SPOCK3: variants seen among roughly 807,000 people sequenced by gnomAD.
SPOCK3 encodes the protein SPARC (osteonectin), cwcv and kazal like domains proteoglycan 3, also known as testican-3.
SPOCK3 carries 30 observed loss-of-function variants against 56.6 expected under a neutral mutation model. The observed-to-expected ratio is 0.53, with a 90% CI of 0.40 to 0.72. The LOEUF (loss-of-function observed/expected upper bound fraction) is 0.72. Ranked by LOEUF, SPOCK3 falls within the 30% of genes least tolerant of loss-of-function variation. SPOCK3 has a pLI of 0.00. For missense variants in SPOCK3, 527 were observed against 530.0 expected, an observed-to-expected ratio of 0.99 and a Z score of 0.06; for synonymous variants, 196 against 183.3, an observed-to-expected ratio of 1.07 and a Z score of -0.56.
At chr4:167,057,767 G>C (rs1755067982) in intron 3 of SPOCK3, among the ~76,000 whole-genome samples, 2 of 152,038 alleles carry the variant, frequency 1.3e-5, no homozygotes, top group African/African-American at 2.4e-5. Context: ...TCCAATACAG[G>C]AGCACCCAGA....
chr4:167,141,231 C>G (rs1229970320), intron 2 of SPOCK3, among the ~76,000 whole-genome samples: 1 of 151,966 alleles, frequency 6.6e-6, no homozygotes, highest in Non-Finnish European at 1.5e-5. Flanking sequence ...TCTGGAAGCT[C>G]ATATGAGATG....
chr4:167,069,506 C>T (rs1580193911), intron 2 of SPOCK3, among the ~76,000 whole-genome samples: 1 of 152,026 alleles, frequency 6.6e-6, no homozygotes, highest in South Asian at 2.1e-4. Context: ...TAAGCCACTA[C>T]ATTTTGGGCT....
At chr4:166,898,046 A>AT (rs1286619321) in intron 5 of SPOCK3, among the ~76,000 whole-genome samples, 33 of 151,834 alleles carry the variant, frequency 2.2e-4, no homozygotes, top group Non-Finnish European at 7.4e-5. Context: ...AAAAATAAAA[A>AT]AAAAAGTGGC....
intron 7 of SPOCK3, among the ~76,000 whole-genome samples, chr4:166,783,415 C>T (rs1740395541): frequency 1.3e-5 from 2 of 152,088 alleles, no homozygotes; most frequent in South Asian, 2.1e-4. Flanking sequence ...ACATTTTCTA[C>T]CTCATGAAAA....
intron 7 of SPOCK3, among the ~76,000 whole-genome samples, chr4:166,788,203 C>CAAAA (rs748069764): frequency 1.3e-4 from 19 of 151,700 alleles, no homozygotes; most frequent in Non-Finnish European, 2.8e-4. Context: ...AACAAACAAA[C>CAAAA]AAAAAAACCC....
At chr4:166,944,024 G>A (rs1741422025) in intron 4 of SPOCK3, among the ~76,000 whole-genome samples, 1 of 152,098 alleles carries the variant, frequency 6.6e-6, no homozygotes, top group South Asian at 2.1e-4. Flanking sequence ...GCCCATGCCT[G>A]TAGTCCCAGC....
intron 4 of SPOCK3, among the ~76,000 whole-genome samples, chr4:166,935,066 G>A (rs1332951597): frequency 2.0e-5 from 3 of 152,132 alleles, no homozygotes; most frequent in African/African-American, 7.2e-5. Flanking sequence ...GATAAGCAAG[G>A]AGTATAAATA....
intron 6 of SPOCK3, among the ~76,000 whole-genome samples, chr4:166,835,582 T>A (rs1163839763): frequency 6.6e-6 from 1 of 152,190 alleles, no homozygotes; most frequent in Non-Finnish European, 1.5e-5. Flanking sequence ...TTGTTAGTTA[T>A]CTTGTATGTT....
At chr4:167,105,485 T>C (rs1378772670) in intron 2 of SPOCK3, among the ~76,000 whole-genome samples, 1 of 68,550 alleles carries the variant, frequency 1.5e-5, no homozygotes, top group African/African-American at 5.9e-5. Context: ...AAAAAACGAA[T>C]CATACCACCA....
In SPOCK3 at chr4:166,742,003, G is replaced by A. The variant is rs1471551356; in HGVS notation, c.988C>T (p.Leu330Phe). 1 of 1,610,850 alleles carries A rather than the reference G, an allele frequency of 6.2e-7. No individual in the cohort carries two copies. ...AGAATGATCTATTACTCACCTAGGA[G>A]CTTCTTTACCCCTTGCCGCTTCTGA... ...NIQKRQGVKK[L>F]LGQYIPLCDE... Residue 330 changes from leucine to phenylalanine, a missense_variant, in exon 9 of 11, where the codon CTC becomes TTC. By Grantham distance (22) the Leu-to-Phe change is conservative (BLOSUM62 0). Transcript: ENST00000357545.
At chr4:167,085,797 C>T (rs945324167) in intron 2 of SPOCK3, among the ~76,000 whole-genome samples, 1 of 152,010 alleles carries the variant, frequency 6.6e-6, no homozygotes, top group African/African-American at 2.4e-5. Context: ...AAGTCCATAC[C>T]ACCTCAAAGT....
intron 2 of SPOCK3, among the ~76,000 whole-genome samples, chr4:167,220,155 T>C (rs1019416899): frequency 6.6e-6 from 1 of 152,172 alleles, no homozygotes; most frequent in African/African-American, 2.4e-5. Flanking sequence ...GTATGTTGAT[T>C]ACGTATGATA....
chr4:166,744,694 A>C (rs753076395), intron 8 of SPOCK3, among the ~76,000 whole-genome samples: 1 of 152,186 alleles, frequency 6.6e-6, no homozygotes, highest in Non-Finnish European at 1.5e-5. Flanking sequence ...TTTCCAAGAT[A>C]AGGGAGGATG....
chr4:166,850,475 G>C (rs551250674), intron 6 of SPOCK3, among the ~76,000 whole-genome samples: 4 of 152,222 alleles, frequency 2.6e-5, no homozygotes, highest in Admixed American at 2.0e-4. Flanking sequence ...CAAGGTGGCC[G>C]AATAGGAACA....
At chr4:166,931,968 C>T (rs1480381641) in intron 4 of SPOCK3, among the ~76,000 whole-genome samples, 1 of 152,080 alleles carries the variant, frequency 6.6e-6, no homozygotes, top group Non-Finnish European at 1.5e-5. Flanking sequence ...CTACTTTCTA[C>T]ACATTTAAAG....
chr4:166,763,133 GA>G (rs34313837), intron 7 of SPOCK3, among the ~76,000 whole-genome samples: 49,027 of 145,508 alleles, frequency 0.34, 8,125 homozygotes, highest in Admixed American at 0.42. Context: ...GCATCAAAAA[GA>G]AAAAAAAAAA....
At chr4:167,184,773 T>C (rs1187553093) in intron 2 of SPOCK3, among the ~76,000 whole-genome samples, 2 of 152,170 alleles carry the variant, frequency 1.3e-5, no homozygotes, top group Admixed American at 6.5e-5. Flanking sequence ...AAGCTGAGAC[T>C]CTGAAAGAAT....
At chr4:166,806,591 C>T (rs1272149233) in intron 6 of SPOCK3, among the ~76,000 whole-genome samples, 2 of 149,346 alleles carry the variant, frequency 1.3e-5, no homozygotes, top group Non-Finnish European at 2.9e-5. Flanking sequence ...AAATCTTAAA[C>T]ACTATTTGTC....
chr4:166,788,992 T>C (rs560751335), intron 7 of SPOCK3, among the ~76,000 whole-genome samples: 14 of 152,302 alleles, frequency 9.2e-5, no homozygotes, highest in African/African-American at 2.2e-4. Context: ...CACAATGTTA[T>C]TGGATTTTTT....
Sources: allele counts gnomAD v4.1 joint callset (sites outside exome capture counted in the v4.1 genomes callset), GRCh38; gene constraint gnomAD v4.1.1; transcripts MANE v1.5; gene names NCBI Gene and HGNC (gene_info 2026-07-23, HGNC 2026-07-21).